The following MTUS2 variants were observed in gnomAD, a reference collection of about 807,000 sequenced individuals.
MTUS2 encodes the protein microtubule-associated tumor suppressor candidate 2.
In MTUS2, 40 loss-of-function variants were observed where a neutral mutation model predicts 114.1. That is an observed-to-expected ratio of 0.35 (90% CI 0.27 to 0.46). The LOEUF (loss-of-function observed/expected upper bound fraction) is 0.46. Ranked by LOEUF, MTUS2 falls within the 20% of genes least tolerant of loss-of-function variation. MTUS2 has a pLI of 1.00. For missense variants in MTUS2, 1,679 were observed against 1,705.4 expected, an observed-to-expected ratio of 0.98 and a Z score of 0.27; for synonymous variants, 688 against 672.0, an observed-to-expected ratio of 1.02 and a Z score of -0.37.
intron 5 of MTUS2, among the ~76,000 whole-genome samples, chr13:29,178,778 C>G (rs909313557): frequency 6.6e-6 from 1 of 151,866 alleles, no homozygotes; most frequent in African/African-American, 2.4e-5. Context: ...ATCATTTTTC[C>G]TGTCTTTTGT....
chr13:28,949,817 C>A (rs1452358201), intron 2 of MTUS2, among the ~76,000 whole-genome samples: 1 of 150,140 alleles, frequency 6.7e-6, no homozygotes, highest in Admixed American at 6.6e-5. Flanking sequence ...AATGATATTC[C>A]ACTGTAAAGA....
intron 7 of MTUS2, among the ~76,000 whole-genome samples, chr13:29,331,358 A>C (rs9579320): frequency 0.19 from 28,601 of 152,080 alleles, 2,775 homozygotes; most frequent in Middle Eastern, 0.22. Flanking sequence ...GGGTTTTCTA[A>C]ATATATAATC....
intron 5 of MTUS2, among the ~76,000 whole-genome samples, chr13:29,144,331 C>T (rs1892343555): frequency 1.3e-5 from 2 of 151,788 alleles, no homozygotes. Flanking sequence ...TGTTGGCTGG[C>T]TGCATGCTCA....
At chr13:29,338,028 G>A (rs1029090024) in intron 7 of MTUS2, among the ~76,000 whole-genome samples, 1 of 150,066 alleles carries the variant, frequency 6.7e-6, no homozygotes, top group African/African-American at 2.5e-5. Flanking sequence ...TCTTGACCTC[G>A]TGATTTGCCC....
chr13:29,342,011 G>A (rs1301824128), intron 7 of MTUS2, among the ~76,000 whole-genome samples: 1 of 151,980 alleles, frequency 6.6e-6, no homozygotes, highest in Non-Finnish European at 1.5e-5. Context: ...TGGTCTATGA[G>A]CTTATTTTCA....
rs992373541 is a variant in MTUS2, at chr13:29,063,513, A to G, written c.2446+29388A>G. On this transcript the variant is annotated intron_variant, in intron 4 of 15. Coordinates refer to ENST00000612955, the MANE Select transcript of MTUS2 (RefSeq NM_001033602.4). The stretch of plus-strand genomic sequence containing the variant: ...AGAAAAGTTGGGACAGTTCTTCTCA[A>G]CATACATCCAGTTTTGTTATGAATT... Among the ~76,000 whole-genome samples, 4 of 152,344 alleles carry G rather than the reference A, an allele frequency of 2.6e-5. No individual in the cohort carries two copies. In the East Asian group the frequency reaches 7.7e-4, roughly 29 times the overall value.
chr13:29,307,047 TG>T (rs1441954828), intron 6 of MTUS2: 4 of 517,604 alleles, frequency 7.7e-6, no homozygotes, highest in Non-Finnish European at 1.5e-5. Flanking sequence ...GGGGTGATGC[TG>T]GCACTGAGTA....
intron 9 of MTUS2, among the ~76,000 whole-genome samples, chr13:29,469,298 C>A (rs934791549): frequency 2.6e-5 from 4 of 152,172 alleles, no homozygotes; most frequent in Non-Finnish European, 5.9e-5. Context: ...TATCGGGAAA[C>A]TCTGACCTGC....
chr13:29,387,054 A>AGGGTGCTAGGCC (rs1872674016), intron 8 of MTUS2, among the ~76,000 whole-genome samples: 3 of 152,240 alleles, frequency 2.0e-5, no homozygotes, highest in African/African-American at 7.2e-5. Flanking sequence ...TGTGCTAGGC[A>AGGGTGCTAGGCC]GGATGCTAGG....
intron 2 of MTUS2, among the ~76,000 whole-genome samples, chr13:28,961,648 C>T (rs910310825): frequency 2.0e-5 from 3 of 152,082 alleles, no homozygotes; most frequent in Admixed American, 1.3e-4. Context: ...AATCCTACCA[C>T]CTGGAAATTT....
intron 2 of MTUS2, among the ~76,000 whole-genome samples, chr13:28,965,195 T>C (rs940774665): frequency 1.3e-5 from 2 of 152,196 alleles, no homozygotes; most frequent in African/African-American, 2.4e-5. Context: ...GTTCTTTCAA[T>C]AGCCTCATCG....
At chr13:28,927,125 C>T (rs1385786472) in intron 2 of MTUS2, among the ~76,000 whole-genome samples, 1 of 152,154 alleles carries the variant, frequency 6.6e-6, no homozygotes, top group Non-Finnish European at 1.5e-5. Flanking sequence ...CTTAAACGTA[C>T]AGTGTGTATA....
At chr13:29,219,043 A>G (rs1429572996) in intron 5 of MTUS2, among the ~76,000 whole-genome samples, 10 of 149,998 alleles carry the variant, frequency 6.7e-5, no homozygotes, top group African/African-American at 2.5e-4. Context: ...ACATATGTAT[A>G]CATGTGCCAT....
intron 2 of MTUS2, among the ~76,000 whole-genome samples, chr13:28,936,629 A>G (rs554138271): frequency 1.3e-5 from 2 of 152,100 alleles, no homozygotes; most frequent in Non-Finnish European, 2.9e-5. Flanking sequence ...AGTACGGAGA[A>G]TCTGTCCTGT....
chr13:29,119,127 A>G (rs1354306819), intron 5 of MTUS2, among the ~76,000 whole-genome samples: 1 of 152,192 alleles, frequency 6.6e-6, no homozygotes, highest in Non-Finnish European at 1.5e-5. Context: ...GCAGAGCTAT[A>G]TATCTAAAAC....
chr13:29,093,385 G>A (rs998176862), intron 4 of MTUS2, among the ~76,000 whole-genome samples: 11 of 152,154 alleles, frequency 7.2e-5, no homozygotes, highest in African/African-American at 2.4e-4. Flanking sequence ...GGAAGTTGCA[G>A]TGAGCCGAGA....
chr13:29,064,798 C>T (rs191266), intron 4 of MTUS2, among the ~76,000 whole-genome samples: 149,067 of 152,178 alleles, frequency 0.98, 73,050 homozygotes, highest in Non-Finnish European at 1. Context: ...CACCCTCAGG[C>T]AGGCTCCAGT....
At chr13:29,308,559 T>C (rs141291529) in intron 6 of MTUS2, among the ~76,000 whole-genome samples, 134 of 152,004 alleles carry the variant, frequency 8.8e-4, no homozygotes, top group Middle Eastern at 3.4e-3. Flanking sequence ...ACAAATGAGA[T>C]CTAATTAAAA....
chr13:29,041,862 T>G (rs2484466), intron 4 of MTUS2, among the ~76,000 whole-genome samples: 145,561 of 152,312 alleles, frequency 0.96, 69,660 homozygotes, highest in South Asian at 0.98. Flanking sequence ...TAAGAGCTTT[T>G]AGGATGAGGC....
Sources: allele counts gnomAD v4.1 joint callset (sites outside exome capture counted in the v4.1 genomes callset), GRCh38; gene constraint gnomAD v4.1.1; transcripts MANE v1.5; gene names NCBI Gene and HGNC (gene_info 2026-07-23, HGNC 2026-07-21).